The following CHST11 variants were observed in gnomAD, a reference collection of about 807,000 sequenced individuals.
CHST11 encodes the protein carbohydrate sulfotransferase 11.
A neutral mutation model predicts 30.4 loss-of-function variants in CHST11; 9 were observed. That is an observed-to-expected ratio of 0.30 (90% CI 0.18 to 0.52). The LOEUF (loss-of-function observed/expected upper bound fraction) is 0.52, where lower values mean the gene tolerates loss of function less well. Among genes scored for constraint, CHST11 ranks in the 20% least tolerant of loss-of-function variants. CHST11 has a pLI of 0.97. For synonymous variants in CHST11, 152 were observed against 187.8 expected (o/e 0.81, Z 1.56); for missense variants, 348 against 460.6 (o/e 0.76, Z 2.24).
At chr12:104,484,801 A>G (rs897276054) in intron 1 of CHST11, among the ~76,000 whole-genome samples, 1 of 152,212 alleles carries the variant, frequency 6.6e-6, no homozygotes, top group African/African-American at 2.4e-5. Flanking sequence ...GAATGTTGGC[A>G]GGTGGGATGG....
chr12:104,572,047 C>A (rs1028429948), intron 1 of CHST11, among the ~76,000 whole-genome samples: 1 of 152,238 alleles, frequency 6.6e-6, no homozygotes, highest in African/African-American at 2.4e-5. Flanking sequence ...ACCAGCCTTG[C>A]ATCCCAGGGA....
chr12:104,517,770 C>T (rs1352788455), intron 1 of CHST11, among the ~76,000 whole-genome samples: 4 of 152,288 alleles, frequency 2.6e-5, no homozygotes, highest in African/African-American at 9.6e-5. Flanking sequence ...AATGTGGAAT[C>T]GGAGTGATAG....
intron 2 of CHST11, among the ~76,000 whole-genome samples, chr12:104,740,121 A>G (rs946441957): frequency 3.3e-5 from 5 of 152,236 alleles, no homozygotes; most frequent in African/African-American, 1.2e-4. Flanking sequence ...TGGCCTTTAA[A>G]GAAAAAAATG....
At chr12:104,528,099 T>C (rs12321261) in intron 1 of CHST11, among the ~76,000 whole-genome samples, 6,682 of 152,278 alleles carry the variant, frequency 0.044, 502 homozygotes, top group African/African-American at 0.15. Context: ...CCTTGATTTT[T>C]CACAGGGTGT....
intron 1 of CHST11, among the ~76,000 whole-genome samples, chr12:104,568,914 C>T (rs1463323826): frequency 6.6e-6 from 1 of 152,150 alleles, no homozygotes; most frequent in Non-Finnish European, 1.5e-5. Context: ...GTCATTAGCT[C>T]TTTAAGACAG....
intron 1 of CHST11, among the ~76,000 whole-genome samples, chr12:104,568,051 G>T (rs1653884450): frequency 2.0e-5 from 3 of 152,206 alleles, no homozygotes; most frequent in Admixed American, 6.5e-5. Context: ...TACCAAGTTT[G>T]TCTGTGGATT....
intron 2 of CHST11, among the ~76,000 whole-genome samples, chr12:104,704,245 T>C (rs1481075930): frequency 6.6e-6 from 1 of 152,192 alleles, no homozygotes; most frequent in East Asian, 1.9e-4. Context: ...CTGTGTCACT[T>C]CCCTGGGGCC....
chr12:104,730,323 G>C lies in CHST11; in HGVS notation c.205-26626G>C, dbSNP rs925761767. On this transcript the variant is annotated intron_variant, in intron 2 of 2. Coordinates refer to ENST00000303694, the MANE Select transcript of CHST11 (RefSeq NM_018413.6). ...AGAGTGACTCTTGCCACAGAGGGTTGTCATAAGGATTGTCCCTGAGATAAT... is the reference window on the plus strand; with the variant it reads ...AGAGTGACTCTTGCCACAGAGGGTTCTCATAAGGATTGTCCCTGAGATAAT... Among the ~76,000 whole-genome samples, 10 of 152,348 alleles carry C rather than the reference G, an allele frequency of 6.6e-5. 1 individual carries two copies. The highest frequency in any genetic ancestry group is 1.9e-4 in the East Asian group (1 of 5,188).
In CHST11 at chr12:104,760,996, G is replaced by A. The variant is rs1323479138; in HGVS notation, c.*3193G>A. 5 of 152,228 alleles carry A rather than the reference G, an allele frequency of 3.3e-5. No homozygotes were observed. Among genetic ancestry groups the A allele is most frequent in the Admixed American group, 3.3e-4 (5 of 15,280 alleles). 9.4% of individuals were successfully genotyped at this position (152,228 alleles called of 1,614,324 possible). A position where few individuals can be genotyped will look rare whatever the true frequency, so the allele number is the denominator to read the frequency against. On this transcript the variant is annotated 3_prime_UTR_variant, in exon 3 of 3. Coordinates refer to ENST00000303694, the MANE Select transcript of CHST11 (RefSeq NM_018413.6). ...CCCATCTCCCAGCCACTTCTCAAAG[G>A]TGCTGCTGTGTTTTAAAGACCAGGT...
At chr12:104,527,189 C>T (rs2038134625) in intron 1 of CHST11, among the ~76,000 whole-genome samples, 1 of 152,160 alleles carries the variant, frequency 6.6e-6, no homozygotes, top group African/African-American at 2.4e-5. Flanking sequence ...GATACTAATC[C>T]AGTCTGACTG....
At chr12:104,741,177 G>A (rs901397429) in intron 2 of CHST11, among the ~76,000 whole-genome samples, 3 of 152,258 alleles carry the variant, frequency 2.0e-5, no homozygotes, top group Non-Finnish European at 2.9e-5. Context: ...TGATCAGGAT[G>A]GAGCAGGTTG....
chr12:104,587,090 A>G (rs921602653), intron 1 of CHST11, among the ~76,000 whole-genome samples: 2 of 152,178 alleles, frequency 1.3e-5, no homozygotes, highest in African/African-American at 2.4e-5. Flanking sequence ...GAAGATGCCA[A>G]TTCCTATCAG....
rs138601732 is a variant in CHST11, at chr12:104,674,677, G to A, written c.204+72686G>A. Among the ~76,000 whole-genome samples the A allele has an allele frequency of 7.4e-3, 1,132 of 152,226 alleles. 13 individuals carry two copies. The highest frequency in any genetic ancestry group is 0.025 in the African/African-American group (1,045 of 41,552). ...ATATTGAATGGCTTTTCCTGTTAAC[G>A]GAGGAATCTCAGTCAGTCTTTGCTA... On this transcript the variant is annotated intron_variant, in intron 2 of 2. Transcript: ENST00000303694.
chr12:104,458,718 T>G lies in CHST11; in HGVS notation c.118+1189T>G, dbSNP rs2037380512. ...CGCCTCCGAGTTGCCTTTCTCAGCG[T>G]AGTCACAGCAATAATTTGCTTTTCT... On this transcript the variant is annotated intron_variant, in intron 1 of 2. Coordinates refer to ENST00000303694, the MANE Select transcript of CHST11 (RefSeq NM_018413.6). The surrounding 1 kb of genome is among the most constrained non-coding windows in gnomAD (Gnocchi z 5.7). 6.6e-6 allele frequency among the ~76,000 whole-genome samples: 1 copy of G among 152,248 alleles called. No homozygotes were observed.
intron 2 of CHST11, among the ~76,000 whole-genome samples, chr12:104,728,028 T>C (rs2040229361): frequency 1.3e-5 from 2 of 152,210 alleles, no homozygotes; most frequent in Admixed American, 1.3e-4. Context: ...TTGAAAGAGT[T>C]GATGCCCTCT....
At chr12:104,544,769 T>TCCCCCCCCC (rs199741884) in intron 1 of CHST11, among the ~76,000 whole-genome samples, 4 of 51,450 alleles carry the variant, frequency 7.8e-5, no homozygotes, top group Admixed American at 2.5e-4. Context: ...GGGGTCACAG[T>TCCCCCCCCC]CCCCCCACCC....
chr12:104,523,497 G>A (rs1785612545), intron 1 of CHST11, among the ~76,000 whole-genome samples: 1 of 152,044 alleles, frequency 6.6e-6, no homozygotes, highest in South Asian at 2.1e-4. Context: ...AGAGAAAGAT[G>A]AAAAAAACCC....
rs374980790 is a variant in CHST11 at position 104,457,440 on chromosome 12, G to A, written c.29G>A (p.Arg10Lys). 5.0e-6 allele frequency: 8 copies of A among 1,614,010 alleles called. No individual in the cohort carries two copies. The African/African-American group carries it at 1.1e-4, about 22-fold the overall frequency. MKPALLEVM[R>K]MNRICRMVLA... ...AAGCCAGCGCTGCTGGAAGTGATGA[G>A]GATGAACAGAATCTGCCGGATGGTG... is the stretch of plus-strand genomic sequence containing the variant. Residue 10 changes from arginine to lysine, a missense_variant, in exon 1 of 3, where the codon AGG becomes AAG. Around this residue, in one of 3 missense-constraint regions of CHST11, gnomAD observed 135 missense variants for 155.8 expected, o/e 0.87. Transcript: ENST00000303694.
At chr12:104,519,781 A>G (rs1259762192) in intron 1 of CHST11, among the ~76,000 whole-genome samples, 1 of 152,232 alleles carries the variant, frequency 6.6e-6, no homozygotes, top group Non-Finnish European at 1.5e-5. Context: ...AGGCTGCAGC[A>G]TGGAAACATG....
Sources: gnomAD v4.1 joint callset for allele counts (sites outside exome capture counted in the v4.1 genomes callset) on GRCh38, gnomAD v4.1.1 for gene constraint, gnomAD v4.1.1 regional missense constraint, Gnocchi (gnomAD v3.1) non-coding constraint, MANE v1.5 for transcripts, NCBI Gene and HGNC (gene_info 2026-07-23, HGNC 2026-07-21) for gene names.